The following MOXD1 variants were observed in gnomAD, a reference collection of about 807,000 sequenced individuals.
MOXD1 encodes the protein DBH-like monooxygenase protein 1.
A neutral mutation model predicts 66.6 loss-of-function variants in MOXD1; 62 were observed. The observed-to-expected ratio is 0.93, with a 90% CI of 0.76 to 1.15. MOXD1 has a LOEUF of 1.15. Among genes scored for constraint, MOXD1 ranks in the 50% most tolerant of loss-of-function variants. The pLI, the probability that MOXD1 is intolerant of heterozygous loss-of-function variation, is 0.00. For missense variants in MOXD1, 847 were observed against 754.6 expected, an observed-to-expected ratio of 1.12 and a Z score of -1.44; for synonymous variants, 303 against 281.9, an observed-to-expected ratio of 1.07 and a Z score of -0.75.
In MOXD1 at chr6:132,328,444, C is replaced by T. The variant is rs749719449; in HGVS notation, c.814G>A (p.Val272Met). 2.5e-6 allele frequency: 4 copies of T among 1,614,128 alleles called. No homozygotes were observed. The South Asian group carries it at 3.3e-5, about 13-fold the overall frequency. Residue 272 changes from valine to methionine, a missense_variant, in exon 5 of 12, where the codon GTG (valine) becomes ATG (methionine). Physicochemically the swap from Val to Met is conservative, Grantham distance 21 (BLOSUM62 1). Transcript: ENST00000367963. ...CCACCAATAGCCCAGGCAAAAATCA[C>T]AGTTTCACAGGTGAGGAATGCATCG... ...MPDAFLTCETVIFAWAIGGEG... is the reference protein window; with the variant it reads ...MPDAFLTCETMIFAWAIGGEG...
intron 4 of MOXD1, among the ~76,000 whole-genome samples, chr6:132,370,928 T>A (rs1057223095): frequency 2.0e-5 from 3 of 152,126 alleles, no homozygotes; most frequent in African/African-American, 7.2e-5. Flanking sequence ...ATATCCTACA[T>A]AGAGGGTTGA....
chr6:132,361,445 C>A (rs1217254858), intron 4 of MOXD1, among the ~76,000 whole-genome samples: 1 of 152,046 alleles, frequency 6.6e-6, no homozygotes, highest in Non-Finnish European at 1.5e-5. Context: ...TATGTGTTCA[C>A]CCTTTACAAT....
chr6:132,300,242 T>C (rs1427475367), intron 10 of MOXD1, among the ~76,000 whole-genome samples: 1 of 152,102 alleles, frequency 6.6e-6, no homozygotes, highest in Non-Finnish European at 1.5e-5. Flanking sequence ...CTAAAATCTA[T>C]AGCATTTGAA....
intron 10 of MOXD1, among the ~76,000 whole-genome samples, chr6:132,303,240 TTGTC>T (rs1438161498): frequency 9.2e-5 from 14 of 152,172 alleles, no homozygotes; most frequent in African/African-American, 2.9e-4. Flanking sequence ...CTGGGAGAAA[TTGTC>T]TGTAAACAGG....
chr6:132,316,530 A>T (rs1404906815), intron 9 of MOXD1, among the ~76,000 whole-genome samples: 1 of 152,156 alleles, frequency 6.6e-6, no homozygotes, highest in Non-Finnish European at 1.5e-5. Flanking sequence ...AGTGAACAGA[A>T]AAAGGAATGA....
At chr6:132,318,432 T>C (rs1775003794) in intron 9 of MOXD1, among the ~76,000 whole-genome samples, 1 of 152,084 alleles carries the variant, frequency 6.6e-6, no homozygotes, top group Non-Finnish European at 1.5e-5. Context: ...TTAAACAAAA[T>C]TGAGCATCTT....
chr6:132,386,423 C>T (rs904396283), intron 1 of MOXD1, among the ~76,000 whole-genome samples: 2 of 79,216 alleles, frequency 2.5e-5, no homozygotes, highest in African/African-American at 4.6e-5. Flanking sequence ...CAAAACAAAA[C>T]AAAACAAAAC....
intron 10 of MOXD1, among the ~76,000 whole-genome samples, chr6:132,300,037 T>C (rs936313097): frequency 1.3e-5 from 2 of 152,108 alleles, no homozygotes; most frequent in Non-Finnish European, 2.9e-5. Flanking sequence ...ATTTCTTCCA[T>C]ATCTAATAAG....
chr6:132,381,974 T>C (rs1776521021), intron 1 of MOXD1, among the ~76,000 whole-genome samples: 1 of 152,122 alleles, frequency 6.6e-6, no homozygotes, highest in Non-Finnish European at 1.5e-5. Context: ...AGCTCTATTA[T>C]GCACTCATGG....
chr6:132,386,109 A>G (rs1453081020), intron 1 of MOXD1, among the ~76,000 whole-genome samples: 1 of 118,868 alleles, frequency 8.4e-6, no homozygotes, highest in Non-Finnish European at 1.7e-5. Flanking sequence ...TCTCAAAAAA[A>G]AAAAAAGAAA....
chr6:132,296,434 T>C lies in MOXD1; in HGVS notation c.*719A>G, dbSNP rs1774400776. The stretch of plus-strand genomic sequence containing the variant: ...TATGATCAGTTATTAATACATACCA[T>C]TTCTATGTTTCCCATAGCCTCTTTC... On this transcript the variant is annotated 3_prime_UTR_variant, in exon 12 of 12. Coordinates refer to ENST00000367963, the MANE Select transcript of MOXD1 (RefSeq NM_015529.4). The C allele has an allele frequency of 6.6e-6, 1 of 152,156 alleles. No individual in the cohort carries two copies. The highest frequency in any genetic ancestry group is 1.5e-5 in the Non-Finnish European group (1 of 68,036). 9.4% of individuals were successfully genotyped at this position (152,156 alleles called of 1,614,324 possible).
At chr6:132,371,064 T>G (rs1314687797) in intron 4 of MOXD1, among the ~76,000 whole-genome samples, 2 of 152,178 alleles carry the variant, frequency 1.3e-5, no homozygotes, top group Non-Finnish European at 2.9e-5. Context: ...ACAATTAATG[T>G]TTGCCAGAAA....
At chr6:132,364,305 C>A (rs1231232356) in intron 4 of MOXD1, among the ~76,000 whole-genome samples, 1 of 152,086 alleles carries the variant, frequency 6.6e-6, no homozygotes, top group Non-Finnish European at 1.5e-5. Context: ...GACTTACTGC[C>A]TACCATTGTT....
At chr6:132,356,508 AT>A in intron 4 of MOXD1, among the ~76,000 whole-genome samples, 1 of 152,354 alleles carries the variant, frequency 6.6e-6, no homozygotes, top group South Asian at 2.1e-4. Flanking sequence ...GATTCAATCC[AT>A]TTAGCAATCT....
At chr6:132,371,733 C>G (rs1776266529) in intron 4 of MOXD1, among the ~76,000 whole-genome samples, 1 of 152,082 alleles carries the variant, frequency 6.6e-6, no homozygotes, top group African/African-American at 2.4e-5. Flanking sequence ...ATTCTCAAAC[C>G]CATGTATTTC....
At chr6:132,351,820 G>A (rs1191327563) in intron 4 of MOXD1, among the ~76,000 whole-genome samples, 1 of 152,038 alleles carries the variant, frequency 6.6e-6, no homozygotes, top group Non-Finnish European at 1.5e-5. Context: ...CTTGCTATTG[G>A]TCTGTTCAAG....
chr6:132,397,642 G>GAA (rs1293174084), intron 1 of MOXD1, among the ~76,000 whole-genome samples: 7 of 64,010 alleles, frequency 1.1e-4, no homozygotes, highest in African/African-American at 4.4e-4. Flanking sequence ...GAGACAGAAA[G>GAA]AAAGAAAGAA....
intron 6 of MOXD1, among the ~76,000 whole-genome samples, chr6:132,326,809 T>G (rs1340344415): frequency 6.6e-6 from 1 of 152,214 alleles, no homozygotes; most frequent in Non-Finnish European, 1.5e-5. Flanking sequence ...AGATACTTTA[T>G]TGGCTTGCTC....
At chr6:132,340,888 C>T (rs898996212) in intron 4 of MOXD1, among the ~76,000 whole-genome samples, 3 of 152,000 alleles carry the variant, frequency 2.0e-5, no homozygotes, top group Admixed American at 6.6e-5. Context: ...CCTCGTGATC[C>T]GCCCGCCTCG....
Sources: allele counts gnomAD v4.1 joint callset (sites outside exome capture counted in the v4.1 genomes callset), GRCh38; gene constraint gnomAD v4.1.1; transcripts MANE v1.5; gene names NCBI Gene and HGNC (gene_info 2026-07-23, HGNC 2026-07-21).